Variants in ASPM observed in about 807,000 individuals in gnomAD.
ASPM encodes the protein assembly factor for spindle microtubules, also known as abnormal spindle-like microcephaly-associated protein.
In ASPM, 256 loss-of-function variants were observed where a neutral mutation model predicts 366.4. The observed-to-expected ratio is 0.70, with a 90% CI of 0.63 to 0.77. The LOEUF (loss-of-function observed/expected upper bound fraction) is 0.77. Ranked by LOEUF, ASPM falls within the 30% of genes least tolerant of loss-of-function variation. ASPM has a pLI of 0.00. For missense variants in ASPM, 4,146 were observed against 4,090.4 expected, an observed-to-expected ratio of 1.01 and a Z score of -0.37; for synonymous variants, 1,414 against 1,342.9, an observed-to-expected ratio of 1.05 and a Z score of -1.16.
At position 197,122,552 on chromosome 1, in the gene ASPM, C is replaced by A; in HGVS notation, c.3434G>T (p.Cys1145Phe). The change falls in exon 14 of 28, where the codon TGT (cysteine) becomes TTT (phenylalanine). Residue 1145 changes from cysteine (C) to phenylalanine (F), a missense_variant. Cys to Phe is a radical substitution (Grantham distance 205). Transcript: ENST00000367409. Reference protein sequence around the residue: ...TVSFSDGRVLCYLIHHYHPCY... With the variant: ...TVSFSDGRVLFYLIHHYHPCY... ...AGGATGGTAATGGTGGATCAGGTAA[C>A]ATAACACACGGCCGTCTGAGAAAGA... 6.2e-7 allele frequency: 1 copy of A among 1,612,712 alleles called. No individual in the cohort carries two copies. Among genetic ancestry groups the A allele is most frequent in the East Asian group, 2.2e-5 (1 of 44,816 alleles).
intron 3 of ASPM, 48 bp from the exon 4 acceptor site, chr1:197,139,919 C>T (rs778249602): frequency 4.2e-5 from 54 of 1,273,522 alleles, no homozygotes; most frequent in Non-Finnish European, 8.0e-6. Context: ...ATACAAATTC[C>T]CTAAATAGGT....
chr1:197,125,184 T>A lies in ASPM; in HGVS notation c.2944A>T (p.Met982Leu), dbSNP rs530519246. ...TCCCAGTTCTGTGTGAGAAGTTCCA[T>A]GGTTCGCCTGGCAGTAATAAAATGT... ...LQCGVRLVRT[M>L]ELLTQNWDLS... The change falls in exon 11 of 28, where the codon ATG (methionine) becomes TTG (leucine). Residue 982 changes from methionine to leucine, a missense_variant. Met to Leu is a conservative substitution (Grantham distance 15). This residue lies in a region of ASPM where 3,624 missense variants were observed against 3,591.7 expected (regional missense o/e 1.01). Transcript: ENST00000367409. 2.5e-6 allele frequency: 4 copies of A among 1,614,040 alleles called. No homozygotes were observed. The highest frequency in any genetic ancestry group is 2.5e-6 in the Non-Finnish European group (3 of 1,179,938).
chr1:197,116,831 G>A (rs554342240), intron 17 of ASPM, among the ~76,000 whole-genome samples: 1 of 152,198 alleles, frequency 6.6e-6, no homozygotes, highest in Admixed American at 6.5e-5. Context: ...GAACTCACCT[G>A]TAACAATTCA....
intron 17 of ASPM, among the ~76,000 whole-genome samples, chr1:197,112,253 C>T (rs1426395592): frequency 1.3e-5 from 2 of 151,984 alleles, no homozygotes; most frequent in African/African-American, 2.4e-5. Flanking sequence ...CAAACTAACA[C>T]GGGAACAGAA....
At chr1:197,133,019 C>T (rs548186673) in intron 6 of ASPM, among the ~76,000 whole-genome samples, 2 of 152,074 alleles carry the variant, frequency 1.3e-5, no homozygotes, top group East Asian at 1.9e-4. Flanking sequence ...GTCTCAGTTA[C>T]GCAGGATGAA....
chr1:197,089,858 T>C, intron 25 of ASPM, 72 bp downstream of exon 25: 1 of 1,483,892 alleles, frequency 6.7e-7, no homozygotes. Context: ...TAGTGATGAG[T>C]AAACCCAAAC....
Position 197,146,420 on chromosome 1 carries a change from C to T in ASPM, c.18G>A (p.Val6=). 2 of 1,608,844 alleles carry T rather than the reference C, an allele frequency of 1.2e-6. No individual in the cohort carries two copies. Among genetic ancestry groups the T allele is most frequent in the African/African-American group, 2.7e-5 (2 of 74,948 alleles). Residue 6 remains valine, a synonymous_variant, in exon 1 of 28, where the codon GTG becomes GTA. Transcript: ENST00000367409. ...GGCTCACTTCCCAGCAGCCTCGCCC[C>T]ACTCGCCGGTTCGCCATGGCAGATT... MANRR[V]GRGCWEVSPT... is the part of the protein sequence containing the mutation.
intron 17 of ASPM, among the ~76,000 whole-genome samples, chr1:197,114,324 T>G (rs573127153): frequency 6.6e-6 from 1 of 152,340 alleles, no homozygotes; most frequent in South Asian, 2.1e-4. Flanking sequence ...TACCTTAATG[T>G]TGGTGGCTGC....
chr1:197,091,506 C>T (rs1571589578), intron 22 of ASPM, among the ~76,000 whole-genome samples: 1 of 151,830 alleles, frequency 6.6e-6, no homozygotes, highest in African/African-American at 2.4e-5. Context: ...CAGATAAGAA[C>T]TTGAATAACC....
rs16841135 is a variant in ASPM at position 197,138,067 on chromosome 1, A to G, written c.2026+1700T>C. On this transcript the variant is annotated intron_variant, in intron 4 of 27. Coordinates refer to ENST00000367409, the MANE Select transcript of ASPM (RefSeq NM_018136.5). Reference sequence around the variant, plus strand: ...TAATATTTTATGCCTATGAGTCCCCAACAAAGCCTCAAGCTTCTATTTAGA... The same window carrying G: ...TAATATTTTATGCCTATGAGTCCCCGACAAAGCCTCAAGCTTCTATTTAGA... Among the ~76,000 whole-genome samples the G allele has an allele frequency of 1.2e-3, 186 of 152,288 alleles. 5 individuals carry two copies. In the East Asian group the frequency reaches 0.032, roughly 26 times the overall value.
At chr1:197,130,616 A>G (rs1658227830) in intron 7 of ASPM, among the ~76,000 whole-genome samples, 1 of 152,214 alleles carries the variant, frequency 6.6e-6, no homozygotes, top group Non-Finnish European at 1.5e-5. Context: ...CCCTACATTG[A>G]CAAAATATAA....
rs1657179591 is a variant in ASPM, at chr1:197,101,502, TATG to T, written c.7746_7748del (p.Ile2583del). On this transcript the variant is annotated inframe_deletion, in exon 18 of 28. Coordinates refer to ENST00000367409, the MANE Select transcript of ASPM (RefSeq NM_018136.5). ...TTTTATTTGCTCTATATTTTTCTTGTATGATTTTTGTAGCCCACTGAAGCTTTT... is the reference window on the plus strand; with the variant it reads ...TTTTATTTGCTCTATATTTTTCTTGTATTTTTGTAGCCCACTGAAGCTTTT... 1.4e-5 allele frequency: 22 copies of T among 1,609,586 alleles called. No homozygotes were observed. Among genetic ancestry groups the T allele is most frequent in the Non-Finnish European group, 1.9e-5 (22 of 1,179,080 alleles).
At position 197,100,741 on chromosome 1, in the gene ASPM, TTC is replaced by T. The variant is rs199422180; in HGVS notation, c.8508_8509del (p.Lys2837MetfsTer34). Reference sequence around the variant, plus strand: ...GAACTGAATCCGTAGGGCAGCACATTTCTGTGTTTCCAGTTTTCTTGTGACCA... The same window carrying T: ...GAACTGAATCCGTAGGGCAGCACATTTGTGTTTCCAGTTTTCTTGTGACCA... On this transcript the variant is annotated frameshift_variant, in exon 18 of 28. Transcript: ENST00000367409. LOFTEE classifies it high-confidence loss of function. 6 of 1,612,474 alleles carry T rather than the reference TTC, an allele frequency of 3.7e-6. No individual in the cohort carries two copies. The South Asian group carries it at 6.6e-5, about 18-fold the overall frequency.
At position 197,101,738 on chromosome 1, in the gene ASPM, G is replaced by A. The variant is rs1409874926; in HGVS notation, c.7513C>T (p.His2505Tyr). 28 of 1,612,022 alleles carry A rather than the reference G, an allele frequency of 1.7e-5. No homozygotes were observed. In the Admixed American group the frequency reaches 4.7e-4, roughly 27 times the overall value. ...RTYITFQTWKHASILIQQHYR... is the reference protein window; with the variant it reads ...RTYITFQTWKYASILIQQHYR... ...TGTTGCTGAATTAGAATTGAAGCAT[G>A]TTTCCAAGTCTGAAATGTAATATAT... Residue 2505 changes from histidine (H) to tyrosine (Y), a missense_variant, in exon 18 of 28, where the codon CAT becomes TAT. His to Tyr is a moderately conservative substitution (Grantham distance 83, BLOSUM62 2). Transcript: ENST00000367409.
rs772684459 is a variant in ASPM at position 197,142,930 on chromosome 1, C to T, written c.1322G>A (p.Cys441Tyr). ...KSEVSPRIPECQGSKSPKAIF... is the reference protein window; with the variant it reads ...KSEVSPRIPEYQGSKSPKAIF... ...AGCTTTGGGAGATTTTGAACCCTGA[C>T]ATTCAGGAATACGTGGCGAAACTTC... The change falls in exon 3 of 28, where the codon TGT (cysteine) becomes TAT (tyrosine). Residue 441 changes from cysteine (C) to tyrosine (Y), a missense_variant. This residue lies in a region of ASPM where 3,624 missense variants were observed against 3,591.7 expected (regional missense o/e 1.01). Transcript: ENST00000367409. 1 of 1,613,950 alleles carries T rather than the reference C, an allele frequency of 6.2e-7. No individual in the cohort carries two copies. The highest frequency in any genetic ancestry group is 8.5e-7 in the Non-Finnish European group (1 of 1,179,848).
chr1:197,138,053 G>A (rs973732796), intron 4 of ASPM, among the ~76,000 whole-genome samples: 1 of 152,086 alleles, frequency 6.6e-6, no homozygotes, highest in Non-Finnish European at 1.5e-5. Context: ...AATATTTTAT[G>A]CCTATGAGTC....
At position 197,101,936 on chromosome 1, in the gene ASPM, T is replaced by C; in HGVS notation, c.7315A>G (p.Arg2439Gly). ...SLKKATIFVQ[R>G]KYRATICAKH... The stretch of plus-strand genomic sequence containing the variant: ...GCACAAATGGTGGCTCGATATTTCC[T>C]CTGAACAAAAATAGTAGCTTTTTTG... The change falls in exon 18 of 28, where the codon AGG becomes GGG. Residue 2439 changes from arginine (R) to glycine (G), a missense_variant. This residue lies in a region of ASPM where 3,624 missense variants were observed against 3,591.7 expected (regional missense o/e 1.01). Transcript: ENST00000367409. The C allele has an allele frequency of 6.2e-7, 1 of 1,612,756 alleles. No individual in the cohort carries two copies. The highest frequency in any genetic ancestry group is 1.7e-5 in the Admixed American group (1 of 59,770).
At chr1:197,139,003 T>C (rs1472000556) in intron 4 of ASPM, 6 of 723,924 alleles carry the variant, frequency 8.3e-6, no homozygotes, top group South Asian at 1.5e-5. Context: ...ACATTGATCA[T>C]AGCACTCTTG....
chr1:197,092,943 G>T, intron 21 of ASPM, 109 bp downstream of exon 21: 1 of 938,452 alleles, frequency 1.1e-6, no homozygotes, highest in Non-Finnish European at 1.7e-6. Context: ...CAAGTTAATG[G>T]TCATATTAGT....
Sources: allele counts gnomAD v4.1 joint callset (sites outside exome capture counted in the v4.1 genomes callset), GRCh38; gene constraint gnomAD v4.1.1; regional missense constraint gnomAD v4.1.1; transcripts MANE v1.5; gene names NCBI Gene and HGNC (gene_info 2026-07-23, HGNC 2026-07-21).